Variants in SEMA3A observed in about 807,000 individuals in gnomAD.
SEMA3A encodes semaphorin 3A, also known as semaphorin-3A.
A neutral mutation model predicts 97.9 loss-of-function variants in SEMA3A; 29 were observed. The ratio of observed to expected loss-of-function variants is 0.30; its 90% confidence interval spans 0.22 to 0.40. The LOEUF is 0.40. Among genes scored for constraint, SEMA3A ranks in the 10% least tolerant of loss-of-function variants. The pLI is 1.00. For synonymous variants in SEMA3A, 321 were observed against 323.7 expected, an observed-to-expected ratio of 0.99 and a Z score of 0.09; for missense variants, 763 against 951.3, an observed-to-expected ratio of 0.80 and a Z score of 2.60.
At chr7:84,310,774 T>C (rs1183146635) in intron 2 of SEMA3A, among the ~76,000 whole-genome samples, 1 of 152,052 alleles carries the variant, frequency 6.6e-6, no homozygotes, top group Non-Finnish European at 1.5e-5. Flanking sequence ...ATTGGAAAGA[T>C]TTAAAGCTGT....
intron 6 of SEMA3A, among the ~76,000 whole-genome samples, chr7:84,032,837 C>A (rs1428765287): frequency 6.6e-6 from 1 of 151,392 alleles, no homozygotes; most frequent in East Asian, 1.9e-4. Flanking sequence ...TTGAAGAGTT[C>A]TTTTTATATT....
At chr7:84,097,975 GA>G (rs1235743541) in intron 4 of SEMA3A, among the ~76,000 whole-genome samples, 4 of 151,626 alleles carry the variant, frequency 2.6e-5, no homozygotes, top group Admixed American at 6.6e-5. Context: ...GCAGCCTTTG[GA>G]AAAAAAATGT....
intron 1 of SEMA3A, among the ~76,000 whole-genome samples, chr7:84,153,877 T>C (rs1458556250): frequency 6.6e-6 from 1 of 152,092 alleles, no homozygotes; most frequent in African/African-American, 2.4e-5. Context: ...TAAGAACAAT[T>C]CACCCGTTTC....
intron 4 of SEMA3A, among the ~76,000 whole-genome samples, chr7:84,062,778 G>T (rs1329693814): frequency 6.6e-6 from 1 of 152,172 alleles, no homozygotes; most frequent in East Asian, 1.9e-4. Context: ...TACACCCACG[G>T]AGTCTCGCTG....
rs573606804 is a variant in SEMA3A at position 84,228,293 on chromosome 7, TAAG to T, written c.-82-33628_-82-33626del. 1.0e-3 allele frequency among the ~76,000 whole-genome samples: 159 copies of T among 152,186 alleles called. 1 individual carries two copies. The highest frequency in any genetic ancestry group is 3.6e-3 in the African/African-American group (151 of 41,528). The stretch of plus-strand genomic sequence containing the variant: ...GATTGAATCAAAATTAGTGGGACCT[TAAG>T]GAGGCTACAAATACCGTACCCCATC... On this transcript the variant is annotated intron_variant, in intron 3 of 3. Coordinates refer to the SEMA3A transcript ENST00000424555.
intron 1 of SEMA3A, among the ~76,000 whole-genome samples, chr7:84,410,638 G>A (rs1221455417): frequency 6.6e-6 from 1 of 152,108 alleles, no homozygotes; most frequent in Non-Finnish European, 1.5e-5. Flanking sequence ...CCCACAAAGA[G>A]TTCCTTTCCC....
chr7:84,118,326 G>C (rs1990046), intron 3 of SEMA3A, among the ~76,000 whole-genome samples: 2 of 152,176 alleles, frequency 1.3e-5, no homozygotes, highest in South Asian at 2.1e-4. Context: ...CAAATACAGC[G>C]TGTGTTAGTC....
intron 1 of SEMA3A, among the ~76,000 whole-genome samples, chr7:84,424,551 T>C (rs1162897302): frequency 1.1e-5 from 1 of 91,142 alleles, no homozygotes; most frequent in Non-Finnish European, 1.8e-5. Flanking sequence ...TATTAATATA[T>C]ATTATATATA....
At chr7:84,117,995 AT>A (rs1300358479) in intron 3 of SEMA3A, among the ~76,000 whole-genome samples, 1 of 152,180 alleles carries the variant, frequency 6.6e-6, no homozygotes, top group Non-Finnish European at 1.5e-5. Context: ...GGATATTTCT[AT>A]GACTGCTTAA....
intron 1 of SEMA3A, among the ~76,000 whole-genome samples, chr7:84,490,738 G>A (rs1370605281): frequency 6.6e-6 from 1 of 152,140 alleles, no homozygotes; most frequent in Non-Finnish European, 1.5e-5. Flanking sequence ...AAATCTAAAT[G>A]CCATGCTGAA....
chr7:84,348,657 C>T (rs528794311), intron 2 of SEMA3A, among the ~76,000 whole-genome samples: 130 of 152,200 alleles, frequency 8.5e-4, no homozygotes, highest in Non-Finnish European at 1.5e-3. Flanking sequence ...TGTCTGGAGA[C>T]TGGCATGAAA....
chr7:84,272,441 G>A (rs978708372), intron 3 of SEMA3A, among the ~76,000 whole-genome samples: 10 of 151,874 alleles, frequency 6.6e-5, no homozygotes, highest in Non-Finnish European at 1.3e-4. Flanking sequence ...AGATTTAACT[G>A]AGTATTAATA....
intron 15 of SEMA3A, among the ~76,000 whole-genome samples, chr7:83,964,111 A>C (rs1282797134): frequency 6.6e-6 from 1 of 152,196 alleles, no homozygotes; most frequent in African/African-American, 2.4e-5. Context: ...TTTCCTGATT[A>C]AGTTTCTATT....
chr7:84,008,253 A>T lies in SEMA3A; in HGVS notation c.996-756T>A, dbSNP rs781750408. On this transcript the variant is annotated intron_variant, in intron 9 of 16. Coordinates refer to ENST00000265362, the MANE Select transcript of SEMA3A (RefSeq NM_006080.3). ...AAGCCTGTAATACCGGCACTTTGGGAGGCCAAGGCGGGCGGATCACAAGGT... is the reference window on the plus strand; with the variant it reads ...AAGCCTGTAATACCGGCACTTTGGGTGGCCAAGGCGGGCGGATCACAAGGT... Among the ~76,000 whole-genome samples, 3 of 152,174 alleles carry T rather than the reference A, an allele frequency of 2.0e-5. No homozygotes were observed. The East Asian group carries it at 5.8e-4, about 29-fold the overall frequency.
At chr7:84,083,142 C>CTTTAATTTATATTAAA (rs1271594560) in intron 4 of SEMA3A, among the ~76,000 whole-genome samples, 18 of 151,564 alleles carry the variant, frequency 1.2e-4, no homozygotes, top group African/African-American at 4.1e-4. Flanking sequence ...GATAAGATTT[C>CTTTAATTTATATTAAA]CTATCTTTAA....
intron 2 of SEMA3A, among the ~76,000 whole-genome samples, chr7:84,362,300 C>T (rs1584265595): frequency 2.0e-5 from 3 of 151,938 alleles, no homozygotes; most frequent in African/African-American, 7.2e-5. Context: ...GCAAAAATAA[C>T]AGTAACAACA....
chr7:84,436,494 T>C (rs953731290), intron 1 of SEMA3A, among the ~76,000 whole-genome samples: 7 of 152,092 alleles, frequency 4.6e-5, no homozygotes, highest in African/African-American at 1.7e-4. Flanking sequence ...AGGAAAAGTA[T>C]TTTCTAAGCT....
At chr7:84,110,442 A>G (rs1159115504) in intron 4 of SEMA3A, 28 bp downstream of exon 4, 1 of 1,612,530 alleles carries the variant, frequency 6.2e-7, no homozygotes, top group Admixed American at 1.7e-5. Context: ...GTCATGGACA[A>G]ATATAATTTT....
intron 1 of SEMA3A, among the ~76,000 whole-genome samples, chr7:84,416,924 T>C (rs1804451940): frequency 6.6e-6 from 1 of 152,148 alleles, no homozygotes; most frequent in Non-Finnish European, 1.5e-5. Context: ...AGCTATAATA[T>C]AGCAGACTTC....
Sources: gnomAD v4.1 joint callset for allele counts (sites outside exome capture counted in the v4.1 genomes callset) on GRCh38, gnomAD v4.1.1 for gene constraint, MANE v1.5 for transcripts, NCBI Gene and HGNC (gene_info 2026-07-23, HGNC 2026-07-21) for gene names.